Variants in RASAL2 observed in about 807,000 individuals in gnomAD.
RASAL2 encodes RAS protein activator like 2, also known as ras GTPase-activating protein nGAP.
Under a neutral mutation model 128.9 loss-of-function variants are expected in RASAL2, and 58 were observed. The ratio of observed to expected loss-of-function variants is 0.45; its 90% CI spans 0.36 to 0.56. RASAL2 has a LOEUF of 0.56. RASAL2 is among the 20% of genes least tolerant of loss of function. The pLI is 0.00. For missense variants in RASAL2, 1,360 were observed against 1,601.6 expected (o/e 0.85, Z 2.57); for synonymous variants, 561 against 580.8 (o/e 0.97, Z 0.49).
chr1:178,402,402 TAA>T (rs144428410), intron 4 of RASAL2, among the ~76,000 whole-genome samples: 18 of 140,140 alleles, frequency 1.3e-4, no homozygotes, highest in Non-Finnish European at 6.2e-5. Context: ...AGACTTCATC[TAA>T]AAAAAAAAAA....
At chr1:178,452,372 G>A in intron 10 of RASAL2, 44 bp from the exon 11 acceptor site, 2 of 1,518,258 alleles carry the variant, frequency 1.3e-6, no homozygotes, top group African/African-American at 1.4e-5. Flanking sequence ...GCTTGTACTG[G>A]TACTTCTGTG....
Position 178,457,789 on chromosome 1 carries a change from T to G in RASAL2, c.2497T>G (p.Ser833Ala), listed in dbSNP as rs914521485. The G allele has an allele frequency of 6.2e-7, 1 of 1,614,188 alleles. No homozygotes were observed. ...QQASSQSMTY[S>A]EKDERESSLP... ...AGCCTCCTCTCAGAGCATGACTTAT[T>G]CTGAAAAGGATGAAAGGGAAAGTAG... Residue 833 changes from serine (S) to alanine (A), a missense_variant, in exon 14 of 18, where the codon TCT (serine) becomes GCT (alanine). This residue lies in a region of RASAL2 where 741 missense variants were observed against 868.6 expected (regional missense o/e 0.85). Transcript: ENST00000367649.
At chr1:178,362,016 G>A (rs945772229) in intron 3 of RASAL2, among the ~76,000 whole-genome samples, 6 of 152,096 alleles carry the variant, frequency 3.9e-5, no homozygotes, top group African/African-American at 1.4e-4. Context: ...AGGAGGTGGC[G>A]CTCTGGCGGT....
intron 1 of RASAL2, among the ~76,000 whole-genome samples, chr1:178,236,338 A>G (rs933425473): frequency 2.0e-5 from 3 of 152,166 alleles, no homozygotes; most frequent in Admixed American, 6.6e-5. Flanking sequence ...TGTAATAACC[A>G]TGTACCTGTC....
chr1:178,271,112 T>G (rs2102172141), intron 1 of RASAL2, among the ~76,000 whole-genome samples: 1 of 152,316 alleles, frequency 6.6e-6, no homozygotes, highest in East Asian at 1.9e-4. Flanking sequence ...ATCTTGGTAC[T>G]CTGCCTCTTA....
intron 1 of RASAL2, among the ~76,000 whole-genome samples, chr1:178,158,434 A>G (rs1347871930): frequency 2.6e-5 from 4 of 152,216 alleles, no homozygotes; most frequent in Admixed American, 1.3e-4. Flanking sequence ...CAAGTACTCC[A>G]TGAATGGTAG....
intron 3 of RASAL2, among the ~76,000 whole-genome samples, chr1:178,310,257 A>C (rs1050018454): frequency 6.6e-6 from 1 of 152,198 alleles, no homozygotes; most frequent in Non-Finnish European, 1.5e-5. Flanking sequence ...ATTGTTACCT[A>C]AAATAAATCA....
At chr1:178,190,071 A>G (rs912843998) in intron 1 of RASAL2, among the ~76,000 whole-genome samples, 7 of 143,298 alleles carry the variant, frequency 4.9e-5, no homozygotes, top group Non-Finnish European at 1.0e-4. Flanking sequence ...AGTTCACAGG[A>G]CAGCTTTCCT....
intron 2 of RASAL2, among the ~76,000 whole-genome samples, chr1:178,292,127 G>A (rs35781686): frequency 0.08 from 12,102 of 150,958 alleles, 557 homozygotes; most frequent in Middle Eastern, 0.13. Flanking sequence ...CTTAAAATGA[G>A]TTTAAGGAAT....
intron 1 of RASAL2, among the ~76,000 whole-genome samples, chr1:178,163,919 A>G (rs1282948607): frequency 1.3e-5 from 2 of 152,086 alleles, no homozygotes; most frequent in African/African-American, 4.8e-5. Context: ...TTGTCTTTTC[A>G]TTTATTTACG....
At chr1:178,390,336 A>G (rs1672826108) in intron 4 of RASAL2, 130 bp downstream of exon 4, 4 of 605,218 alleles carry the variant, frequency 6.6e-6, no homozygotes, top group Admixed American at 3.5e-5. Flanking sequence ...CTGTGATTAA[A>G]GGATAGACTC....
intron 3 of RASAL2, among the ~76,000 whole-genome samples, chr1:178,328,854 A>G (rs1669160288): frequency 6.6e-6 from 1 of 152,146 alleles, no homozygotes; most frequent in Non-Finnish European, 1.5e-5. Flanking sequence ...CCAGTAGGGT[A>G]TTTCGGGTTA....
chr1:178,368,580 A>G (rs1671530612), intron 3 of RASAL2, among the ~76,000 whole-genome samples: 1 of 152,180 alleles, frequency 6.6e-6, no homozygotes, highest in Admixed American at 6.5e-5. Flanking sequence ...TAAACTGCCA[A>G]AATGTATGGG....
At chr1:178,162,987 C>A (rs946085147) in intron 1 of RASAL2, among the ~76,000 whole-genome samples, 8 of 151,514 alleles carry the variant, frequency 5.3e-5, no homozygotes, top group Non-Finnish European at 1.2e-4. Flanking sequence ...TTTTTATTTT[C>A]CAAGAAAGAG....
chr1:178,095,812 A>G (rs185768497), intron 1 of RASAL2, among the ~76,000 whole-genome samples: 32 of 152,272 alleles, frequency 2.1e-4, no homozygotes, highest in Admixed American at 2.0e-3. Flanking sequence ...CAGTTCTACC[A>G]CTAAATGGCT....
At chr1:178,411,912 C>T in intron 4 of RASAL2, 2 of 671,596 alleles carry the variant, frequency 3.0e-6, no homozygotes, top group East Asian at 2.6e-5. Flanking sequence ...CTTCAGAGCC[C>T]TTGCCCGCTT....
intron 3 of RASAL2, among the ~76,000 whole-genome samples, chr1:178,388,554 A>G (rs1431856435): frequency 2.0e-5 from 3 of 152,212 alleles, no homozygotes; most frequent in South Asian, 2.1e-4. Flanking sequence ...ACAAGATGCT[A>G]TGTTGTCAGC....
chr1:178,237,011 G>A (rs1414366198), intron 1 of RASAL2, among the ~76,000 whole-genome samples: 1 of 151,996 alleles, frequency 6.6e-6, no homozygotes, highest in Non-Finnish European at 1.5e-5. Context: ...TGATCCACCC[G>A]CCTCAGCCTC....
chr1:178,112,976 T>C (rs1176558964), intron 1 of RASAL2, among the ~76,000 whole-genome samples: 1 of 152,174 alleles, frequency 6.6e-6, no homozygotes, highest in Non-Finnish European at 1.5e-5. Context: ...TTTTCTTCTA[T>C]TTTTTTCATT....
Sources: allele counts gnomAD v4.1 joint callset (sites outside exome capture counted in the v4.1 genomes callset), GRCh38; gene constraint gnomAD v4.1.1; regional missense constraint gnomAD v4.1.1; transcripts MANE v1.5; gene names NCBI Gene and HGNC (gene_info 2026-07-23, HGNC 2026-07-21).